ZNF469: variants seen among roughly 807,000 people sequenced by gnomAD.
ZNF469 encodes zinc finger protein 469.
ZNF469 carries 1 observed loss-of-function variant against 1.0 expected under a neutral mutation model. The ratio of observed to expected loss-of-function variants is 1.00; its 90% CI spans 0.35 to 4.73. ZNF469 has a LOEUF of 4.73. ZNF469 is among the 30% of genes most tolerant of loss of function. The pLI, the probability that ZNF469 is intolerant of heterozygous loss-of-function variation, is 0.16. For missense variants in ZNF469, 6,100 were observed against 5,356.3 expected, an observed-to-expected ratio of 1.14 and a Z score of -4.33; for synonymous variants, 2,703 against 2,363.4, an observed-to-expected ratio of 1.14 and a Z score of -4.17.
At chr16:88,313,508 G>A in the ZNF469 span, among the ~76,000 whole-genome samples, 3 of 152,026 alleles carry the variant, frequency 2.0e-5, no homozygotes, top group African/African-American at 7.2e-5. Context: ...TAATTAAGAC[G>A]ATGCTGGTGT....
the ZNF469 span, among the ~76,000 whole-genome samples, chr16:88,201,577 AT>A: frequency 6.6e-6 from 1 of 151,706 alleles, no homozygotes; most frequent in South Asian, 2.1e-4. The surrounding 1 kb of genome is among the most constrained non-coding windows in gnomAD (Gnocchi z 5.0). Flanking sequence ...AAAAAAAAAA[AT>A]GAAAACAAAG....
At chr16:88,331,231 TCAC>T in the ZNF469 span, among the ~76,000 whole-genome samples, 3 of 85,054 alleles carry the variant, frequency 3.5e-5, no homozygotes, top group East Asian at 2.9e-4. Flanking sequence ...ACCACCACCA[TCAC>T]CACCATCACC....
the ZNF469 span, among the ~76,000 whole-genome samples, chr16:88,249,571 G>A: frequency 6.6e-6 from 1 of 151,000 alleles, no homozygotes; most frequent in Non-Finnish European, 1.5e-5. Flanking sequence ...AAAGTAGCTG[G>A]GACTACAGGT....
At chr16:88,126,710 G>A in the ZNF469 span, among the ~76,000 whole-genome samples, 1 of 151,816 alleles carries the variant, frequency 6.6e-6, no homozygotes, top group East Asian at 1.9e-4. Flanking sequence ...CTGGAGTGCA[G>A]TGGCTCGATC....
the ZNF469 span, among the ~76,000 whole-genome samples, chr16:88,213,765 G>C: frequency 6.6e-6 from 1 of 152,154 alleles, no homozygotes; most frequent in Non-Finnish European, 1.5e-5. Flanking sequence ...ACTTACTGTG[G>C]CCTTGCTGTT....
chr16:88,157,301 CA>C, the ZNF469 span, among the ~76,000 whole-genome samples: 1 of 152,234 alleles, frequency 6.6e-6, no homozygotes, highest in East Asian at 1.9e-4. Context: ...AGTGGAGCCC[CA>C]CAGCCTCAGG....
At chr16:88,405,946 G>A (rs996468257) in intron 1 of ZNF469, among the ~76,000 whole-genome samples, 7 of 152,238 alleles carry the variant, frequency 4.6e-5, no homozygotes, top group East Asian at 1.9e-4. Context: ...ACATCAGAGC[G>A]TCTTGGCAGC....
chr16:88,227,329 G>A, the ZNF469 span, among the ~76,000 whole-genome samples: 1 of 152,172 alleles, frequency 6.6e-6, no homozygotes, highest in South Asian at 2.1e-4. Flanking sequence ...AAGGAGGATG[G>A]AAGGAGGCCG....
the ZNF469 span, among the ~76,000 whole-genome samples, chr16:88,234,275 T>C: frequency 6.6e-6 from 1 of 152,224 alleles, no homozygotes; most frequent in Non-Finnish European, 1.5e-5. Flanking sequence ...CCCTCTTGAG[T>C]GAGCTGAAGG....
intron 1 of ZNF469, among the ~76,000 whole-genome samples, chr16:88,397,881 A>G (rs1904736773): frequency 6.6e-6 from 1 of 152,120 alleles, no homozygotes; most frequent in Non-Finnish European, 1.5e-5. Flanking sequence ...AGGTCAAGAG[A>G]GGAACTCAGC....
chr16:88,395,610 C>T (rs544345337), intron 1 of ZNF469, among the ~76,000 whole-genome samples: 1 of 152,178 alleles, frequency 6.6e-6, no homozygotes, highest in South Asian at 2.1e-4. Context: ...GTCAGGGATC[C>T]TCATGGAAGC....
the ZNF469 span, among the ~76,000 whole-genome samples, chr16:88,168,061 A>G: frequency 1.3e-5 from 2 of 152,212 alleles, no homozygotes; most frequent in Admixed American, 6.5e-5. This position sits in a 1 kb window ranked among gnomAD's most constrained non-coding sequence, Gnocchi z 4.3. Context: ...GACGTGAGCC[A>G]TGTGTCCCTT....
chr16:88,229,579 T>TGATGCAACGCGTGTG, the ZNF469 span, among the ~76,000 whole-genome samples: 1 of 59,816 alleles, frequency 1.7e-5, no homozygotes, highest in Non-Finnish European at 4.4e-5. Context: ...GCTTGTGCGC[T>TGATGCAACGCGTGTG]GATGTCACGC....
the ZNF469 span, among the ~76,000 whole-genome samples, chr16:88,167,300 G>T: frequency 1.3e-5 from 2 of 152,226 alleles, no homozygotes; most frequent in East Asian, 3.9e-4. Context: ...GACTTCAGGT[G>T]ATCCGCCCGC....
chr16:88,396,525 G>A (rs1216332565), intron 1 of ZNF469, among the ~76,000 whole-genome samples: 7 of 95,912 alleles, frequency 7.3e-5, no homozygotes, highest in African/African-American at 3.0e-4. Context: ...GCGGAGACCC[G>A]TCTGAAGGGA....
the ZNF469 span, among the ~76,000 whole-genome samples, chr16:88,318,357 C>A: frequency 1.5e-3 from 228 of 152,152 alleles, 3 homozygotes; most frequent in East Asian, 0.038. Context: ...GAGACGCTGC[C>A]CCCCCTTCCT....
intron 1 of ZNF469, among the ~76,000 whole-genome samples, chr16:88,405,747 G>C (rs1017815123): frequency 6.6e-6 from 1 of 152,198 alleles, no homozygotes; most frequent in African/African-American, 2.4e-5. Context: ...CCGCCTCGGT[G>C]GGGCCACAGC....
chr16:88,162,915 G>C, the ZNF469 span, among the ~76,000 whole-genome samples: 5 of 152,274 alleles, frequency 3.3e-5, no homozygotes, highest in African/African-American at 9.6e-5. Flanking sequence ...CATGTAGCAA[G>C]AGTATAGCAA....
the ZNF469 span, among the ~76,000 whole-genome samples, chr16:88,230,018 C>T: frequency 1.3e-5 from 2 of 152,302 alleles, no homozygotes; most frequent in South Asian, 4.2e-4. Flanking sequence ...TCTGTCCGGT[C>T]CTCATCCACT....
Sources: allele counts gnomAD v4.1 joint callset (sites outside exome capture counted in the v4.1 genomes callset), GRCh38; gene constraint gnomAD v4.1.1; non-coding constraint Gnocchi (gnomAD v3.1); transcripts MANE v1.5; gene names NCBI Gene and HGNC (gene_info 2026-07-23, HGNC 2026-07-21).